RPA1: variants seen among roughly 807,000 people sequenced by gnomAD.
RPA1 encodes the protein replication protein A1.
A neutral mutation model predicts 83.0 loss-of-function variants in RPA1; 49 were observed. The ratio of observed to expected loss-of-function variants is 0.59; its 90% CI spans 0.47 to 0.75. The LOEUF is 0.75. RPA1 is among the 30% of genes least tolerant of loss of function. RPA1 has a pLI of 0.00. For synonymous variants in RPA1, 279 were observed against 281.8 expected, an observed-to-expected ratio of 0.99 and a Z score of 0.10; for missense variants, 693 against 776.1, an observed-to-expected ratio of 0.89 and a Z score of 1.27.
At chr17:1,831,993 A>G (rs1227738596) in intron 1 of RPA1, among the ~76,000 whole-genome samples, 1 of 143,400 alleles carries the variant, frequency 7.0e-6, no homozygotes, top group Admixed American at 7.5e-5. Flanking sequence ...CGGTGGCGCA[A>G]TCTCGGCTCA....
At chr17:1,830,329 A>G (rs540294396) in intron 1 of RPA1, among the ~76,000 whole-genome samples, 1 of 152,318 alleles carries the variant, frequency 6.6e-6, no homozygotes, top group East Asian at 1.9e-4. Flanking sequence ...TCTTTAAAAC[A>G]TGCTCACATT....
chr17:1,837,934 C>A lies in RPA1; in HGVS notation c.34-4869C>A, dbSNP rs77242112. Among the ~76,000 whole-genome samples, 1,258 of 152,024 alleles carry A rather than the reference C, an allele frequency of 8.3e-3. 26 individuals are homozygous for A. The highest frequency in any genetic ancestry group is 0.029 in the African/African-American group (1,192 of 41,468). On this transcript the variant is annotated intron_variant, in intron 1 of 16. Transcript: ENST00000254719. ...TAAATTTTCATGAAGTCCAAGTTAT[C>A]AGGTTGTGTTTTTTTGTTTGTTTTT... is the stretch of plus-strand genomic sequence containing the variant.
At chr17:1,858,564 A>G (rs1223250322) in intron 5 of RPA1, 2 of 652,452 alleles carry the variant, frequency 3.1e-6, no homozygotes, top group Admixed American at 2.4e-5. Flanking sequence ...CCCGGGTTCA[A>G]GCGATCCTCC....
intron 1 of RPA1, among the ~76,000 whole-genome samples, chr17:1,842,257 TTTTG>T (rs762298867): frequency 6.6e-6 from 1 of 152,180 alleles, no homozygotes; most frequent in African/African-American, 2.4e-5. Context: ...ATGCAAGTTT[TTTTG>T]TTTGTTTGTT....
chr17:1,851,918 G>A (rs1912511180), intron 4 of RPA1, among the ~76,000 whole-genome samples: 1 of 151,880 alleles, frequency 6.6e-6, no homozygotes, highest in Non-Finnish European at 1.5e-5. Flanking sequence ...TAAAACAAAC[G>A]ATTGATTGTA....
intron 2 of RPA1, among the ~76,000 whole-genome samples, chr17:1,843,598 CATT>C (rs139126914): frequency 0.019 from 2,669 of 141,104 alleles, 83 homozygotes; most frequent in African/African-American, 0.06. Flanking sequence ...TTGGGTGCTT[CATT>C]ATTATTATTA....
Position 1,843,962 on chromosome 17 carries a change from CGACTGCT to C in RPA1, c.128_134del (p.Arg43ProfsTer2), listed in dbSNP as rs766312589. 6.2e-7 allele frequency: 1 copy of C among 1,613,918 alleles called. No homozygotes were observed. Among genetic ancestry groups the C allele is most frequent in the Non-Finnish European group, 8.5e-7 (1 of 1,179,932 alleles). On this transcript the variant is annotated frameshift_variant, in exon 3 of 17. Transcript: ENST00000254719. LOFTEE classifies it high-confidence loss of function. ...TACGGGGAATAGTCCGCCGCGTTAT[CGACTGCT>C]CATGAGTGATGGATTGAACACTCTA...
chr17:1,841,211 C>G (rs1355185984), intron 1 of RPA1, among the ~76,000 whole-genome samples: 1 of 152,180 alleles, frequency 6.6e-6, no homozygotes, highest in African/African-American at 2.4e-5. Context: ...CTTGCTAAAT[C>G]AACTTACTAG....
Position 1,844,572 on chromosome 17 carries a change from T to G in RPA1, c.164-6T>G. On this transcript the variant is annotated splice_region_variant and splice_polypyrimidine_tract_variant and intron_variant, in intron 3 of 16. Coordinates refer to ENST00000254719, the MANE Select transcript of RPA1 (RefSeq NM_002945.5). ...TGGAGGCTAAAGAAATCTCTGTGGT[T>G]TTCAGCTTTCATGTTGGCGACACAG... 1 of 1,611,348 alleles carries G rather than the reference T, an allele frequency of 6.2e-7. No homozygotes were observed.
At chr17:1,859,142 A>G (rs181934178) in intron 5 of RPA1, among the ~76,000 whole-genome samples, 1 of 152,202 alleles carries the variant, frequency 6.6e-6, no homozygotes, top group African/African-American at 2.4e-5. Context: ...ACCTCGGATG[A>G]TCTGCCTGCC....
At chr17:1,885,483 T>C (rs923671067) in intron 13 of RPA1, among the ~76,000 whole-genome samples, 2 of 152,048 alleles carry the variant, frequency 1.3e-5, no homozygotes, top group Non-Finnish European at 2.9e-5. Flanking sequence ...CCTTTTTTTT[T>C]TAACTTGAGA....
intron 12 of RPA1, among the ~76,000 whole-genome samples, chr17:1,882,579 A>G (rs1190974194): frequency 6.6e-6 from 1 of 152,100 alleles, no homozygotes; most frequent in Non-Finnish European, 1.5e-5. Context: ...GAGGCACGAG[A>G]ATCACTTGCC....
At chr17:1,859,061 C>A (rs1912837546) in intron 5 of RPA1, among the ~76,000 whole-genome samples, 1 of 152,038 alleles carries the variant, frequency 6.6e-6, no homozygotes, top group Non-Finnish European at 1.5e-5. Flanking sequence ...TGCCACCATG[C>A]CTGGCTAATT....
rs569163170 is a variant in RPA1 at position 1,886,068 on chromosome 17, T to C, written c.1374+2124T>C. Among the ~76,000 whole-genome samples, 27 of 152,068 alleles carry C rather than the reference T, an allele frequency of 1.8e-4. No individual in the cohort carries two copies. The East Asian group carries it at 4.5e-3, about 25-fold the overall frequency. ...TGCATTGTCAATATATTAATCTCCT[T>C]GTACTGTGTGTCTCCATTGAGCTCT... On this transcript the variant is annotated intron_variant, in intron 13 of 16. Transcript: ENST00000254719.
In RPA1 at chr17:1,891,951, T is replaced by C. The variant is rs753894566; in HGVS notation, c.1659+11T>C. On this transcript the variant is annotated intron_variant, in intron 15 of 16. Coordinates refer to ENST00000254719, the MANE Select transcript of RPA1 (RefSeq NM_002945.5). ...GAATTAAAAGACAAGGTCAGCCACA[T>C]ATTTTATTATAACTTCTATAACTTT... 58 of 1,554,418 alleles carry C rather than the reference T, an allele frequency of 3.7e-5. No individual in the cohort carries two copies. The highest frequency in any genetic ancestry group is 4.4e-6 in the Non-Finnish European group (5 of 1,131,992).
chr17:1,897,455 T>A lies in RPA1; in HGVS notation c.*280T>A, dbSNP rs568522206. The A allele has an allele frequency of 3.2e-6, 1 of 314,838 alleles. No homozygotes were observed. Among genetic ancestry groups the A allele is most frequent in the Admixed American group, 4.6e-5 (1 of 21,850 alleles). 19.5% of individuals were successfully genotyped at this position (314,838 alleles called of 1,614,324 possible). A position where few individuals can be genotyped will look rare whatever the true frequency, so the allele number is the denominator to read the frequency against. The stretch of plus-strand genomic sequence containing the variant: ...GCCTTCAGGCTTCTGTCAATTTCAT[T>A]ATCATCAAGCAGGAATTATGTCGTA... On this transcript the variant is annotated 3_prime_UTR_variant, in exon 17 of 17. Coordinates refer to ENST00000254719, the MANE Select transcript of RPA1 (RefSeq NM_002945.5).
intron 13 of RPA1, among the ~76,000 whole-genome samples, chr17:1,885,605 C>A (rs1913960432): frequency 6.6e-6 from 1 of 152,118 alleles, no homozygotes; most frequent in Admixed American, 6.6e-5. Context: ...CCACACCTGG[C>A]TAATTGTATT....
intron 15 of RPA1, among the ~76,000 whole-genome samples, chr17:1,893,282 G>GT (rs1914266728): frequency 6.6e-6 from 1 of 152,192 alleles, no homozygotes; most frequent in Non-Finnish European, 1.5e-5. Flanking sequence ...ATATTTGACT[G>GT]TTTTTTCTGC....
intron 1 of RPA1, among the ~76,000 whole-genome samples, chr17:1,835,970 T>C (rs1285761663): frequency 6.6e-6 from 1 of 152,072 alleles, no homozygotes; most frequent in African/African-American, 2.4e-5. Context: ...CTATTTCATT[T>C]AGAAAGAAGA....
Sources: gnomAD v4.1 joint callset for allele counts (sites outside exome capture counted in the v4.1 genomes callset) on GRCh38, gnomAD v4.1.1 for gene constraint, MANE v1.5 for transcripts, NCBI Gene and HGNC (gene_info 2026-07-23, HGNC 2026-07-21) for gene names.